Variants in STAG3 observed in about 807,000 individuals in gnomAD.
STAG3 encodes the protein STAG3 cohesin complex component, also known as cohesin subunit SA-3.
In STAG3, 101 loss-of-function variants were observed where a neutral mutation model predicts 160.7. The ratio of observed to expected loss-of-function variants is 0.63; its 90% CI spans 0.54 to 0.74. The LOEUF is 0.74. STAG3 is among the 30% of genes least tolerant of loss of function. The probability of loss-of-function intolerance (pLI) is 0.00; values close to 1 mark genes in which losing one functional copy is unlikely to be tolerated. For missense variants in STAG3, 1,188 were observed against 1,517.4 expected, an observed-to-expected ratio of 0.78 and a Z score of 3.61; for synonymous variants, 519 against 585.0, an observed-to-expected ratio of 0.89 and a Z score of 1.63.
rs755529527 is a variant in STAG3, at chr7:100,182,845, G to T, written c.336+6G>T. 16 of 1,613,948 alleles carry T rather than the reference G, an allele frequency of 9.9e-6. No homozygotes were observed. In the South Asian group the frequency reaches 1.6e-4, roughly 17 times the overall value. On this transcript the variant is annotated splice_donor_region_variant and intron_variant, in intron 4 of 33. Coordinates refer to ENST00000615138, the MANE Select transcript of STAG3 (RefSeq NM_001282717.2). ...CCGCCAAAAGTGACATGCAGGTAAA[G>T]CAGTGTCTCACCTCTGTTGATACCA...
At chr7:100,194,321 G>A (rs1327052598) in intron 8 of STAG3, among the ~76,000 whole-genome samples, 1 of 152,122 alleles carries the variant, frequency 6.6e-6, no homozygotes, top group Non-Finnish European at 1.5e-5. Flanking sequence ...CACTTAAAAG[G>A]GTTATTAATT....
chr7:100,188,620 A>G, intron 6 of STAG3, 91 bp downstream of exon 6: 1 of 1,194,282 alleles, frequency 8.4e-7, no homozygotes, highest in East Asian at 2.3e-5. Context: ...GAAATAGGGT[A>G]GCTTTTAGAA....
chr7:100,213,559 C>G, intron 32 of STAG3, 176 bp from the exon 33 acceptor site: 1 of 985,266 alleles, frequency 1.0e-6, no homozygotes, highest in African/African-American at 1.7e-5. Context: ...CCAAGAAGCG[C>G]TCTGCAGTCA....
chr7:100,214,679 G>A (rs1276594398), downstream of STAG3, among the ~76,000 whole-genome samples: 1 of 152,126 alleles, frequency 6.6e-6, no homozygotes, highest in Non-Finnish European at 1.5e-5. Flanking sequence ...ACCCATGTGA[G>A]CCAGGCCAGG....
rs184953955 is a variant in STAG3, at chr7:100,203,526, A to T, written c.2701-495A>T. On this transcript the variant is annotated intron_variant, in intron 25 of 33. Coordinates refer to ENST00000615138, the MANE Select transcript of STAG3 (RefSeq NM_001282717.2). ...ATTTTATTTATTTATTTATTTATTT[A>T]TTTTTTGAGACGGAATCTCGCTCTG... Among the ~76,000 whole-genome samples, 1,368 of 148,540 alleles carry T rather than the reference A, an allele frequency of 9.2e-3. 23 individuals are homozygous for T. Among genetic ancestry groups the T allele is most frequent in the African/African-American group, 0.032 (1,269 of 40,220 alleles).
chr7:100,216,614 C>T (rs1802772470), downstream of STAG3, among the ~76,000 whole-genome samples: 1 of 152,012 alleles, frequency 6.6e-6, no homozygotes, highest in African/African-American at 2.4e-5. Flanking sequence ...TCCTGGCCAA[C>T]ATGGTGAAAC....
rs1197017476 is a variant in STAG3 at position 100,201,798 on chromosome 7, G to A, written c.2233G>A (p.Ala745Thr). The A allele has an allele frequency of 1.2e-6, 2 of 1,614,122 alleles. No individual in the cohort carries two copies. Among genetic ancestry groups the A allele is most frequent in the Non-Finnish European group, 1.7e-6 (2 of 1,180,018 alleles). ...GEVPHQVILP[A>T]LTLVYFSILW... ...TTTGTTGTTACAGGTTATCCTGCCA[G>A]CCTTGACTCTTGTCTATTTTTCCAT... Residue 745 changes from alanine (A) to threonine (T), a missense_variant, in exon 22 of 34, where the codon GCC (alanine) becomes ACC (threonine). By Grantham distance (58) the Ala-to-Thr change is moderately conservative. Transcript: ENST00000615138.
chr7:100,213,197 A>G (rs112084126), intron 32 of STAG3: 8,054 of 528,624 alleles, frequency 0.015, 103 homozygotes, highest in Middle Eastern at 0.078. Context: ...TCCATCCATG[A>G]GGGCTGCACC....
chr7:100,211,915 G>A (rs774396727), intron 32 of STAG3, 39 bp downstream of exon 32: 1 of 1,594,036 alleles, frequency 6.3e-7, no homozygotes, highest in Non-Finnish European at 8.6e-7. Flanking sequence ...CAAGAACTAG[G>A]GGCTGATGTG....
intron 32 of STAG3, chr7:100,213,331 C>A (rs936759091): frequency 2.0e-6 from 2 of 985,126 alleles, no homozygotes; most frequent in African/African-American, 1.8e-5. Context: ...GTATCTTCTG[C>A]TGTTATTCTT....
chr7:100,184,624 C>A (rs1426480141), intron 4 of STAG3, among the ~76,000 whole-genome samples: 1 of 151,750 alleles, frequency 6.6e-6, no homozygotes, highest in Non-Finnish European at 1.5e-5. Context: ...CATGCCACCA[C>A]GCCCAACTAA....
At chr7:100,189,734 C>T (rs1214575491) in intron 8 of STAG3, 138 bp downstream of exon 8, 1 of 929,408 alleles carries the variant, frequency 1.1e-6, no homozygotes, top group Non-Finnish European at 1.6e-6. Context: ...TAGACCCATC[C>T]TGTAAGGGGT....
At chr7:100,214,853 A>G (rs1802625781), downstream of STAG3, 1 of 152,160 alleles carries the variant, frequency 6.6e-6, no homozygotes, top group African/African-American at 2.4e-5. Context: ...AATCCAAGTG[A>G]CAATGTCACC....
intron 5 of STAG3, 119 bp from the exon 6 acceptor site, chr7:100,188,334 C>T: frequency 3.8e-6 from 3 of 794,080 alleles, no homozygotes; most frequent in East Asian, 2.4e-5. Flanking sequence ...AGGGGGTCTT[C>T]TCATTCCCCA....
In STAG3 at chr7:100,202,036, G is replaced by A; in HGVS notation, c.2389G>A (p.Glu797Lys). 6.2e-7 allele frequency: 1 copy of A among 1,614,162 alleles called. No individual in the cohort carries two copies. The highest frequency in any genetic ancestry group is 8.5e-7 in the Non-Finnish European group (1 of 1,180,030). ...CLSDVDTEIQ[E>K]QAFVLLSDLL... Reference sequence around the variant, plus strand: ...CTCAGATGTGGATACTGAGATCCAGGAGCAGGTGAGTACTGACTCAAGTGG... The same window carrying A: ...CTCAGATGTGGATACTGAGATCCAGAAGCAGGTGAGTACTGACTCAAGTGG... The change falls in exon 23 of 34, where the codon GAG becomes AAG. Residue 797 changes from glutamate to lysine, a missense_variant. By Grantham distance (56) the Glu-to-Lys change is moderately conservative (BLOSUM62 1). Coordinates refer to ENST00000615138, the MANE Select transcript of STAG3 (RefSeq NM_001282717.2).
At chr7:100,209,119 C>T (rs1801932148) in intron 29 of STAG3, among the ~76,000 whole-genome samples, 1 of 152,160 alleles carries the variant, frequency 6.6e-6, no homozygotes, top group Non-Finnish European at 1.5e-5. Flanking sequence ...TAGAGGTTAA[C>T]TGACCATAAA....
chr7:100,219,085 AAGTT>A (rs1301555282), downstream of STAG3: 1 of 152,560 alleles, frequency 6.6e-6, no homozygotes, highest in Non-Finnish European at 1.5e-5. Flanking sequence ...TTGATTCACT[AAGTT>A]AGGCCCAGTG....
intron 9 of STAG3, among the ~76,000 whole-genome samples, chr7:100,196,032 G>A (rs1671670020): frequency 6.6e-6 from 1 of 152,062 alleles, no homozygotes; most frequent in South Asian, 2.1e-4. Flanking sequence ...AGGAGGCTGA[G>A]GCAGGAGAAT....
chr7:100,209,063 C>T (rs958734893), intron 29 of STAG3, among the ~76,000 whole-genome samples: 1 of 151,998 alleles, frequency 6.6e-6, no homozygotes. Flanking sequence ...TCTCTGGGAG[C>T]AAGACAAAGA....
Sources: allele counts gnomAD v4.1 joint callset (sites outside exome capture counted in the v4.1 genomes callset), GRCh38; gene constraint gnomAD v4.1.1; transcripts MANE v1.5; gene names NCBI Gene and HGNC (gene_info 2026-07-23, HGNC 2026-07-21).